DENND4A: variants seen among roughly 807,000 people sequenced by gnomAD.
The protein encoded by DENND4A is C-myc promoter-binding protein.
In DENND4A, 70 loss-of-function variants were observed where a neutral mutation model predicts 199.3. The observed-to-expected ratio is 0.35, with a 90% CI of 0.29 to 0.43. DENND4A has a LOEUF of 0.43. Ranked by LOEUF, DENND4A falls within the 20% of genes least tolerant of loss-of-function variation. The probability of loss-of-function intolerance (pLI) is 1.00; values close to 1 mark genes in which losing one functional copy is unlikely to be tolerated. For missense variants in DENND4A, 1,723 were observed against 2,255.8 expected (o/e 0.76, Z 4.78); for synonymous variants, 686 against 766.9 (o/e 0.89, Z 1.74).
chr15:65,783,501 A>G (rs546822598), intron 1 of DENND4A, among the ~76,000 whole-genome samples: 2 of 152,350 alleles, frequency 1.3e-5, no homozygotes, highest in South Asian at 4.1e-4. Context: ...GAAAAGGCCT[A>G]GAAGTCATGA....
Position 65,737,849 on chromosome 15 carries a change from T to C in DENND4A, c.898A>G (p.Lys300Glu). The change falls in exon 7 of 33, where the codon AAG (lysine) becomes GAG (glutamate). Residue 300 changes from lysine (K) to glutamate (E), a missense_variant. Physicochemically the swap from Lys to Glu is moderately conservative, Grantham distance 56. Coordinates refer to ENST00000443035, the MANE Select transcript of DENND4A (RefSeq NM_001320835.1). ...LLLGLTSADG[K>E]SDSSKTIHTN... ...TGAATTGTTTTGGAACTATCAGACT[T>C]CCCATCTGCTGATGTTAAACCCAAA... The C allele has an allele frequency of 6.2e-7, 1 of 1,604,656 alleles. No homozygotes were observed. The highest frequency in any genetic ancestry group is 2.2e-5 in the East Asian group (1 of 44,660).
At chr15:65,771,812 A>G (rs1257659570) in intron 1 of DENND4A, 1 of 1,613,390 alleles carries the variant, frequency 6.2e-7, no homozygotes, top group African/African-American at 1.3e-5. Context: ...GTGAGGTCAT[A>G]CTGTTTTCGC....
At position 65,704,881 on chromosome 15, in the gene DENND4A, C is replaced by T. The variant is rs574294288; in HGVS notation, c.2087+1210G>A. Among the ~76,000 whole-genome samples the T allele has an allele frequency of 5.9e-5, 9 of 152,152 alleles. No individual in the cohort carries two copies. In the South Asian group the frequency reaches 6.2e-4, roughly 11 times the overall value. Reference sequence around the variant, plus strand: ...TGCTGGGATTACAGGCATAAGCCACCGCGTCTGGCCAAATTTTCTTAGAGT... The same window carrying T: ...TGCTGGGATTACAGGCATAAGCCACTGCGTCTGGCCAAATTTTCTTAGAGT... On this transcript the variant is annotated intron_variant, in intron 15 of 32. Coordinates refer to ENST00000443035, the MANE Select transcript of DENND4A (RefSeq NM_001320835.1).
chr15:65,695,312 T>C (rs769641490), intron 22 of DENND4A, among the ~76,000 whole-genome samples: 35 of 152,332 alleles, frequency 2.3e-4, no homozygotes, highest in Admixed American at 1.2e-3. Context: ...CCAGAGATAA[T>C]ACGTAAATGA....
At chr15:65,729,768 T>C in intron 9 of DENND4A, 90 bp from the exon 10 acceptor site, 1 of 1,186,342 alleles carries the variant, frequency 8.4e-7, no homozygotes, top group Middle Eastern at 2.4e-4. Flanking sequence ...TTGATTAGAG[T>C]AGGATTTGTA....
chr15:65,778,850 C>T (rs890466997), intron 1 of DENND4A, among the ~76,000 whole-genome samples: 1 of 148,676 alleles, frequency 6.7e-6, no homozygotes, highest in Middle Eastern at 3.2e-3. Context: ...GCTGAGATCA[C>T]GCCACTGCAC....
intron 1 of DENND4A, among the ~76,000 whole-genome samples, chr15:65,778,868 C>T (rs991540156): frequency 4.3e-5 from 6 of 139,850 alleles, no homozygotes; most frequent in Admixed American, 2.2e-4. Context: ...CACTCCAGCC[C>T]GGGTGACACA....
Position 65,752,736 on chromosome 15 carries a change from T to C in DENND4A, c.312-108A>G, listed in dbSNP as rs528620892. ...TAAATGTAGTAGCATGGTAAAAATA[T>C]TCCAATCTTACTGCAATTTTAAAAT... is the stretch of plus-strand genomic sequence containing the variant. On this transcript the variant is annotated intron_variant, in intron 3 of 32. Transcript: ENST00000443035. 1.8e-5 allele frequency: 13 copies of C among 710,656 alleles called. No homozygotes were observed. The Admixed American group carries it at 2.9e-4, about 16-fold the overall frequency. The allele number at this position is 710,656 out of a possible 1,614,324, so 44.0% of individuals were successfully genotyped here.
At chr15:65,682,914 G>A (rs369155867) in intron 23 of DENND4A, among the ~76,000 whole-genome samples, 3 of 152,090 alleles carry the variant, frequency 2.0e-5, no homozygotes, top group African/African-American at 7.2e-5. Context: ...AACATTTATC[G>A]ATGAAGTTTA....
In DENND4A at chr15:65,792,085, A is replaced by G. The variant is rs1061554; in HGVS notation, c.-177T>C. 30,919 of 152,364 alleles carry G rather than the reference A, an allele frequency of 0.2. 4,174 individuals are homozygous for G. Among genetic ancestry groups the G allele is most frequent in the East Asian group, 0.73 (3,741 of 5,102 alleles). The allele number at this position is 152,364 out of a possible 1,614,324, so 9.4% of individuals were successfully genotyped here. ...CGGAATCCCGCACGCGCGGTAGCGG[A>G]ACACGAGGGGCTGAATGCCGCGGCG... On this transcript the variant is annotated 5_prime_UTR_variant, in exon 1 of 33. Coordinates refer to ENST00000443035, the MANE Select transcript of DENND4A (RefSeq NM_001320835.1).
chr15:65,738,016 A>G (rs761629271), intron 6 of DENND4A, 71 bp from the exon 7 acceptor site: 112 of 1,436,322 alleles, frequency 7.8e-5, no homozygotes, highest in Non-Finnish European at 9.4e-5. Flanking sequence ...TCAGTTAAAT[A>G]TTTAATAAAT....
chr15:65,769,478 A>T (rs1431793953), intron 1 of DENND4A, among the ~76,000 whole-genome samples: 1 of 152,202 alleles, frequency 6.6e-6, no homozygotes, highest in Non-Finnish European at 1.5e-5. Flanking sequence ...CACTTCAGCC[A>T]AATTAAAATC....
At chr15:65,716,776 G>A (rs1315857920) in intron 13 of DENND4A, among the ~76,000 whole-genome samples, 2 of 151,680 alleles carry the variant, frequency 1.3e-5, no homozygotes, top group African/African-American at 2.4e-5. Flanking sequence ...TGGGATGGCT[G>A]GGTCAAATGG....
chr15:65,760,523 C>T (rs1236466169), intron 2 of DENND4A, among the ~76,000 whole-genome samples: 1 of 151,558 alleles, frequency 6.6e-6, no homozygotes, highest in Non-Finnish European at 1.5e-5. Context: ...AATAAATAAA[C>T]AAACTAAAGC....
At chr15:65,791,864 C>T (rs2077740289) in intron 1 of DENND4A, 146 bp downstream of exon 1, 2 of 152,452 alleles carry the variant, frequency 1.3e-5, no homozygotes, top group East Asian at 1.9e-4. Context: ...CCTCCCGGAT[C>T]TCAGGAGCTC....
chr15:65,667,816 G>C, intron 28 of DENND4A, 109 bp downstream of exon 28: 1 of 1,486,870 alleles, frequency 6.7e-7, no homozygotes, highest in Non-Finnish European at 9.1e-7. Context: ...CATGGGATAA[G>C]AGACTCTTCT....
At position 65,764,943 on chromosome 15, in the gene DENND4A, G is replaced by T. The variant is rs913858651; in HGVS notation, c.-101-3505C>A. Among the ~76,000 whole-genome samples the T allele has an allele frequency of 1.2e-4, 17 of 146,018 alleles. No homozygotes were observed. The East Asian group carries it at 3.4e-3, about 29-fold the overall frequency. On this transcript the variant is annotated intron_variant, in intron 1 of 32. Coordinates refer to ENST00000443035, the MANE Select transcript of DENND4A (RefSeq NM_001320835.1). ...GCTATGATGGCACCACTGCACTCCA[G>T]CCTGGGTGACAGAGCGAGACCCTGT...
intron 1 of DENND4A, among the ~76,000 whole-genome samples, chr15:65,779,292 C>T (rs183259241): frequency 2.4e-4 from 36 of 151,538 alleles, no homozygotes; most frequent in Non-Finnish European, 4.4e-4. Flanking sequence ...CCCGTCTCTA[C>T]TAAAAATAGA....
At chr15:65,787,475 T>C (rs540050274) in intron 1 of DENND4A, among the ~76,000 whole-genome samples, 1 of 152,332 alleles carries the variant, frequency 6.6e-6, no homozygotes, top group South Asian at 2.1e-4. Context: ...TCTTGCTTTC[T>C]ACTTGTGATT....
Sources: allele counts gnomAD v4.1 joint callset (sites outside exome capture counted in the v4.1 genomes callset), GRCh38; gene constraint gnomAD v4.1.1; transcripts MANE v1.5; gene names NCBI Gene and HGNC (gene_info 2026-07-23, HGNC 2026-07-21).